HS3ST4: variants seen among roughly 807,000 people sequenced by gnomAD.
HS3ST4 encodes the protein heparan sulfate-glucosamine 3-sulfotransferase 4.
HS3ST4 carries 17 observed loss-of-function variants against 29.2 expected under a neutral mutation model. That is an observed-to-expected ratio of 0.58 (90% CI 0.40 to 0.87). HS3ST4 has a LOEUF of 0.87. Among genes scored for constraint, HS3ST4 ranks in the 40% least tolerant of loss-of-function variants. The pLI, the probability that HS3ST4 is intolerant of heterozygous loss-of-function variation, is 0.00. For synonymous variants in HS3ST4, 314 were observed against 285.7 expected (o/e 1.10, Z -1.00); for missense variants, 627 against 634.5 (o/e 0.99, Z 0.13).
Position 25,692,493 on chromosome 16 carries a change from T to C in HS3ST4, c.76T>C (p.Ser26Pro), listed in dbSNP as rs1966260146. 7.3e-7 allele frequency: 1 copy of C among 1,361,672 alleles called. No homozygotes were observed. Among genetic ancestry groups the C allele is most frequent in the South Asian group, 1.5e-5 (1 of 67,364 alleles). The allele number at this position is 1,361,672 out of a possible 1,614,324, so 84.3% of individuals were successfully genotyped here. Residue 26 changes from serine to proline, a missense_variant, in exon 1 of 2, where the codon TCT becomes CCT. By Grantham distance (74) the Ser-to-Pro change is moderately conservative (BLOSUM62 -1). Around this residue, in one of 2 missense-constraint regions of HS3ST4, gnomAD observed 402 missense variants for 340.8 expected, o/e 1.18. Coordinates refer to ENST00000331351, the MANE Select transcript of HS3ST4 (RefSeq NM_006040.3). ...PLAAPPPPGA[S>P]AKGPPARKLL... ...GGCCGCGCCGCCGCCGCCCGGCGCC[T>C]CTGCTAAGGGGCCGCCGGCGCGCAA...
At position 25,893,583 on chromosome 16, in the gene HS3ST4, C is replaced by G. The variant is rs115617012; in HGVS notation, c.734+200432C>G. Among the ~76,000 whole-genome samples, 651 of 152,290 alleles carry G rather than the reference C, an allele frequency of 4.3e-3. 6 individuals are homozygous for G. Among genetic ancestry groups the G allele is most frequent in the African/African-American group, 0.015 (637 of 41,554 alleles). On this transcript the variant is annotated intron_variant, in intron 1 of 1. Transcript: ENST00000331351. Reference sequence around the variant, plus strand: ...ACCAGGGAGGGTTCCCATTGGCCAGCTTTGAGCCACATGCAAATTCATGGG... The same window carrying G: ...ACCAGGGAGGGTTCCCATTGGCCAGGTTTGAGCCACATGCAAATTCATGGG...
At chr16:25,715,743 T>G (rs528009002) in intron 1 of HS3ST4, among the ~76,000 whole-genome samples, 6 of 152,296 alleles carry the variant, frequency 3.9e-5, no homozygotes, top group African/African-American at 1.4e-4. Context: ...GAAGCAGTGG[T>G]TAGTGACAGA....
chr16:26,078,355 A>G (rs1898690199), intron 1 of HS3ST4, among the ~76,000 whole-genome samples: 1 of 152,132 alleles, frequency 6.6e-6, no homozygotes, highest in African/African-American at 2.4e-5. Context: ...TTACCATGTT[A>G]GCCAGGATGG....
At position 25,810,509 on chromosome 16, in the gene HS3ST4, TG is replaced by T. The variant is rs1567244795; in HGVS notation, c.734+117359del. Among the ~76,000 whole-genome samples, 3 of 152,196 alleles carry T rather than the reference TG, an allele frequency of 2.0e-5. No homozygotes were observed. The East Asian group carries it at 5.8e-4, about 29-fold the overall frequency. Reference sequence around the variant, plus strand: ...GTTTTGTTGAGCTCTACTTCTCTGTTGCGTTTCTCTCTAGTAGTTCTCTCAT... The same window carrying T: ...GTTTTGTTGAGCTCTACTTCTCTGTTCGTTTCTCTCTAGTAGTTCTCTCAT... On this transcript the variant is annotated intron_variant, in intron 1 of 1. Coordinates refer to ENST00000331351, the MANE Select transcript of HS3ST4 (RefSeq NM_006040.3).
chr16:26,126,404 T>A (rs1899343800), intron 1 of HS3ST4, among the ~76,000 whole-genome samples: 1 of 152,230 alleles, frequency 6.6e-6, no homozygotes, highest in South Asian at 2.1e-4. Context: ...GCGCTTATGA[T>A]GTTTTAGGCA....
At chr16:25,969,789 T>C (rs944667364) in intron 1 of HS3ST4, among the ~76,000 whole-genome samples, 1 of 152,196 alleles carries the variant, frequency 6.6e-6, no homozygotes, top group Non-Finnish European at 1.5e-5. Flanking sequence ...AACTTGGACT[T>C]GAGTTTGTCC....
chr16:26,098,598 G>A (rs1248686890), intron 1 of HS3ST4, among the ~76,000 whole-genome samples: 2 of 152,112 alleles, frequency 1.3e-5, no homozygotes, highest in African/African-American at 2.4e-5. Context: ...GTGGCAGGCT[G>A]GGGGAGGGAT....
intron 1 of HS3ST4, among the ~76,000 whole-genome samples, chr16:26,099,869 G>A (rs939317194): frequency 1.3e-5 from 2 of 152,086 alleles, no homozygotes; most frequent in African/African-American, 4.8e-5. Context: ...TAGGGAGAAA[G>A]GCTAGAGAAA....
Position 26,052,073 on chromosome 16 carries a change from G to T in HS3ST4, c.735-83539G>T, listed in dbSNP as rs555915682. On this transcript the variant is annotated intron_variant, in intron 1 of 1. Transcript: ENST00000331351. ...GGTAAACTAATGGCCATAAAGAAAT[G>T]ATCTGACCTACATTGACTATAGATC... is the stretch of plus-strand genomic sequence containing the variant. Among the ~76,000 whole-genome samples the T allele has an allele frequency of 6.6e-5, 10 of 152,108 alleles. No homozygotes were observed. In the East Asian group the frequency reaches 1.9e-3, roughly 30 times the overall value.
chr16:25,828,306 C>T (rs1366716503), intron 1 of HS3ST4, among the ~76,000 whole-genome samples: 1,200 of 53,982 alleles, frequency 0.022, 43 homozygotes, highest in African/African-American at 0.057. Context: ...CTTTCCCTCT[C>T]TCTCTCTCTC....
rs576832850 is a variant in HS3ST4 at position 25,943,340 on chromosome 16, G to A, written c.735-192272G>A. Among the ~76,000 whole-genome samples, 10 of 152,306 alleles carry A rather than the reference G, an allele frequency of 6.6e-5. No individual in the cohort carries two copies. The South Asian group carries it at 1.0e-3, about 16-fold the overall frequency. Reference sequence around the variant, plus strand: ...TGAATACTCTGGAGCAACATGAGGTGCTGTTTATAATATCAGTGGTAAGTG... The same window carrying A: ...TGAATACTCTGGAGCAACATGAGGTACTGTTTATAATATCAGTGGTAAGTG... On this transcript the variant is annotated intron_variant, in intron 1 of 1. Coordinates refer to ENST00000331351, the MANE Select transcript of HS3ST4 (RefSeq NM_006040.3).
chr16:25,791,193 TTA>T (rs1270440184), intron 1 of HS3ST4, among the ~76,000 whole-genome samples: 3 of 152,092 alleles, frequency 2.0e-5, no homozygotes, highest in Non-Finnish European at 4.4e-5. Context: ...ACAAATCAAG[TTA>T]TTATATGTTT....
chr16:25,759,784 C>G (rs1179546255), intron 1 of HS3ST4, among the ~76,000 whole-genome samples: 1 of 151,916 alleles, frequency 6.6e-6, no homozygotes, highest in Non-Finnish European at 1.5e-5. Flanking sequence ...AAAAATTAAC[C>G]AGACATGATG....
At chr16:26,061,689 G>C (rs1898478069) in intron 1 of HS3ST4, among the ~76,000 whole-genome samples, 1 of 152,202 alleles carries the variant, frequency 6.6e-6, no homozygotes, top group Non-Finnish European at 1.5e-5. Flanking sequence ...CTATCTCTAA[G>C]TGTAGCTTGA....
intron 1 of HS3ST4, among the ~76,000 whole-genome samples, chr16:25,858,537 T>A (rs979804001): frequency 6.6e-6 from 1 of 152,180 alleles, no homozygotes; most frequent in African/African-American, 2.4e-5. Context: ...GGTCCTTTTA[T>A]TTCTATTTGA....
In HS3ST4 at chr16:25,889,219, A is replaced by G. The variant is rs564128682; in HGVS notation, c.734+196068A>G. Among the ~76,000 whole-genome samples the G allele has an allele frequency of 2.0e-5, 3 of 152,302 alleles. No homozygotes were observed. The East Asian group carries it at 5.8e-4, about 29-fold the overall frequency. On this transcript the variant is annotated intron_variant, in intron 1 of 1. Coordinates refer to ENST00000331351, the MANE Select transcript of HS3ST4 (RefSeq NM_006040.3). ...CTTCCGGAGATGCATTAGCTGGATT[A>G]CAACTGAATCTTTTCTTGCTCGCTC...
At chr16:25,832,366 G>C (rs1042032724) in intron 1 of HS3ST4, among the ~76,000 whole-genome samples, 5 of 152,192 alleles carry the variant, frequency 3.3e-5, no homozygotes, top group Admixed American at 1.3e-4. Flanking sequence ...TGGCGGAGAG[G>C]CTAGGGCCCC....
At chr16:25,805,038 T>C (rs1034316511) in intron 1 of HS3ST4, among the ~76,000 whole-genome samples, 2 of 152,138 alleles carry the variant, frequency 1.3e-5, no homozygotes, top group African/African-American at 4.8e-5. Context: ...AGTTCCATCA[T>C]CTTCTCCTCC....
At chr16:25,741,641 G>C (rs1966654188) in intron 1 of HS3ST4, among the ~76,000 whole-genome samples, 1 of 152,144 alleles carries the variant, frequency 6.6e-6, no homozygotes, top group Non-Finnish European at 1.5e-5. Context: ...TGTTTCTGTT[G>C]TTAACATACC....
Sources: gnomAD v4.1 joint callset for allele counts (sites outside exome capture counted in the v4.1 genomes callset) on GRCh38, gnomAD v4.1.1 for gene constraint, gnomAD v4.1.1 regional missense constraint, MANE v1.5 for transcripts, NCBI Gene and HGNC (gene_info 2026-07-23, HGNC 2026-07-21) for gene names.